The following KCNH5 variants were observed in gnomAD, a reference collection of about 807,000 sequenced individuals.
KCNH5 encodes voltage-gated delayed rectifier potassium channel KCNH5.
In KCNH5, 46 loss-of-function variants were observed where a neutral mutation model predicts 96.1. The ratio of observed to expected loss-of-function variants is 0.48; its 90% CI spans 0.38 to 0.61. The LOEUF is 0.61. KCNH5 is among the 20% of genes least tolerant of loss of function. KCNH5 has a pLI of 0.00. For synonymous variants in KCNH5, 439 were observed against 449.8 expected (o/e 0.98, Z 0.30); for missense variants, 907 against 1,225.8 (o/e 0.74, Z 3.88).
intron 10 of KCNH5, among the ~76,000 whole-genome samples, chr14:62,759,009 G>A (rs1017980308): frequency 3.3e-5 from 5 of 152,064 alleles, no homozygotes; most frequent in African/African-American, 1.2e-4. Flanking sequence ...TGATTTTATT[G>A]TCCTGTATTT....
chr14:62,738,707 C>A (rs1357934143), intron 10 of KCNH5, among the ~76,000 whole-genome samples: 1 of 152,094 alleles, frequency 6.6e-6, no homozygotes, highest in Non-Finnish European at 1.5e-5. Flanking sequence ...AAACAAGAAG[C>A]ATTTCCTTAA....
At chr14:62,945,352 G>C (rs1017807809) in intron 7 of KCNH5, among the ~76,000 whole-genome samples, 1 of 152,190 alleles carries the variant, frequency 6.6e-6, no homozygotes, top group Middle Eastern at 3.4e-3. Context: ...CAAAGGAATC[G>C]GGGTCAAAGC....
intron 5 of KCNH5, among the ~76,000 whole-genome samples, chr14:62,982,955 T>TGTACATAATC (rs1337026035): frequency 4.6e-5 from 7 of 152,200 alleles, no homozygotes; most frequent in African/African-American, 1.7e-4. Flanking sequence ...ATTATACAAT[T>TGTACATAATC]GTACATAATC....
At chr14:62,799,288 T>C (rs1886599973) in intron 9 of KCNH5, among the ~76,000 whole-genome samples, 2 of 151,878 alleles carry the variant, frequency 1.3e-5, no homozygotes, top group South Asian at 2.1e-4. Flanking sequence ...ATTTAAAAAA[T>C]ACATAAAGTT....
intron 10 of KCNH5, among the ~76,000 whole-genome samples, chr14:62,719,411 C>G (rs1192459432): frequency 6.6e-6 from 1 of 152,216 alleles, no homozygotes; most frequent in African/African-American, 2.4e-5. Context: ...ATGCTATACC[C>G]CAATAGCACT....
rs114279678 is a variant in KCNH5 at position 62,990,658 on chromosome 14, G to A, written c.434-3471C>T. Among the ~76,000 whole-genome samples, 1,116 of 152,058 alleles carry A rather than the reference G, an allele frequency of 7.3e-3. 17 individuals are homozygous for A. Among genetic ancestry groups the A allele is most frequent in the African/African-American group, 0.025 (1,039 of 41,514 alleles). ...ACTACCCTTGAACATAGATGAAAAG[G>A]GAAGTGACTGCATCGTGCGACTTTT... On this transcript the variant is annotated intron_variant, in intron 4 of 10. Coordinates refer to ENST00000322893, the MANE Select transcript of KCNH5 (RefSeq NM_139318.5).
At chr14:62,750,310 G>C (rs1210787622) in intron 10 of KCNH5, among the ~76,000 whole-genome samples, 2 of 152,188 alleles carry the variant, frequency 1.3e-5, no homozygotes, top group Non-Finnish European at 2.9e-5. Context: ...CAAATGAGTA[G>C]AGTCATGCAA....
At chr14:62,886,909 C>A (rs115042778) in intron 7 of KCNH5, among the ~76,000 whole-genome samples, 2,295 of 152,060 alleles carry the variant, frequency 0.015, 59 homozygotes, top group African/African-American at 0.052. Flanking sequence ...ATGAATAGAA[C>A]CGGTAGTGAA....
At chr14:62,828,229 A>G (rs1887266970) in intron 8 of KCNH5, among the ~76,000 whole-genome samples, 1 of 152,058 alleles carries the variant, frequency 6.6e-6, no homozygotes, top group South Asian at 2.1e-4. Flanking sequence ...GTATTATATT[A>G]GTGTTTTGCA....
chr14:63,001,195 G>A (rs1891004059), intron 4 of KCNH5, 136 bp downstream of exon 4: 1 of 679,030 alleles, frequency 1.5e-6, no homozygotes, highest in African/African-American at 1.9e-5. Context: ...GAATAAAACA[G>A]ATTCCAAGCA....
At chr14:62,819,242 C>T (rs1246664009) in intron 8 of KCNH5, among the ~76,000 whole-genome samples, 1 of 152,182 alleles carries the variant, frequency 6.6e-6, no homozygotes, top group Non-Finnish European at 1.5e-5. Flanking sequence ...GCTGGGATTA[C>T]AGGCATGAGC....
intron 10 of KCNH5, among the ~76,000 whole-genome samples, chr14:62,765,756 G>A (rs1007155640): frequency 2.0e-5 from 3 of 152,022 alleles, no homozygotes; most frequent in Non-Finnish European, 2.9e-5. Context: ...AAAATACTGA[G>A]TAAAATCTCC....
At chr14:62,977,224 G>C (rs1241497160) in intron 6 of KCNH5, among the ~76,000 whole-genome samples, 1 of 151,962 alleles carries the variant, frequency 6.6e-6, no homozygotes, top group Non-Finnish European at 1.5e-5. Context: ...AAAATTAGCC[G>C]AGTGTGGTGG....
intron 7 of KCNH5, among the ~76,000 whole-genome samples, chr14:62,912,971 G>C (rs1889199565): frequency 6.6e-6 from 1 of 152,080 alleles, no homozygotes; most frequent in Non-Finnish European, 1.5e-5. Context: ...AATGTTTTAA[G>C]TTTTTCTTAT....
At chr14:63,010,233 C>T (rs903217096) in intron 2 of KCNH5, among the ~76,000 whole-genome samples, 3 of 152,096 alleles carry the variant, frequency 2.0e-5, no homozygotes, top group Non-Finnish European at 2.9e-5. Context: ...CTCTCTGACC[C>T]ATAGTTTCAT....
At chr14:62,940,322 T>C (rs2140122669) in intron 7 of KCNH5, among the ~76,000 whole-genome samples, 1 of 151,564 alleles carries the variant, frequency 6.6e-6, no homozygotes, top group South Asian at 2.1e-4. Context: ...ATCTGCCCAT[T>C]TACAGAAAAA....
rs1884431704 is a variant in KCNH5, at chr14:62,706,363, T to C, written c.*1145A>G. The C allele has an allele frequency of 6.6e-6, 1 of 152,196 alleles. No individual in the cohort carries two copies. Among genetic ancestry groups the C allele is most frequent in the Admixed American group, 6.5e-5 (1 of 15,282 alleles). 9.4% of individuals were successfully genotyped at this position (152,196 alleles called of 1,614,324 possible). ...CAGTTATCTGAGTCGAGCAACTTAATGTCTACTTCTTGGTTGGTTGGTTTG... is the reference window on the plus strand; with the variant it reads ...CAGTTATCTGAGTCGAGCAACTTAACGTCTACTTCTTGGTTGGTTGGTTTG... On this transcript the variant is annotated 3_prime_UTR_variant, in exon 11 of 11. Coordinates refer to ENST00000322893, the MANE Select transcript of KCNH5 (RefSeq NM_139318.5).
At chr14:62,762,238 C>T (rs1885766869) in intron 10 of KCNH5, among the ~76,000 whole-genome samples, 1 of 152,068 alleles carries the variant, frequency 6.6e-6, no homozygotes. Context: ...GACTGTCACA[C>T]CTGGACAGAG....
chr14:62,728,247 C>T (rs941341267), intron 10 of KCNH5, among the ~76,000 whole-genome samples: 4 of 150,218 alleles, frequency 2.7e-5, no homozygotes, highest in Admixed American at 6.6e-5. Flanking sequence ...AATAGCTGGG[C>T]GTGGTGGCAG....
Sources: gnomAD v4.1 joint callset for allele counts (sites outside exome capture counted in the v4.1 genomes callset) on GRCh38, gnomAD v4.1.1 for gene constraint, MANE v1.5 for transcripts, NCBI Gene and HGNC (gene_info 2026-07-23, HGNC 2026-07-21) for gene names.